Variants in CRYL1 observed in about 807,000 individuals in gnomAD.
The protein encoded by CRYL1 is lambda-crystallin homolog.
In CRYL1, 29 loss-of-function variants were observed where a neutral mutation model predicts 36.6. The observed-to-expected ratio is 0.79, with a 90% confidence interval of 0.59 to 1.08. CRYL1 has a LOEUF of 1.08. CRYL1 is among the 50% of genes least tolerant of loss of function. The pLI is 0.00. For synonymous variants in CRYL1, 152 were observed against 151.5 expected, an observed-to-expected ratio of 1.00 and a Z score of -0.02; for missense variants, 411 against 407.9, an observed-to-expected ratio of 1.01 and a Z score of -0.06.
intron 2 of CRYL1, among the ~76,000 whole-genome samples, chr13:20,496,750 T>C (rs1468242953): frequency 6.8e-6 from 1 of 146,958 alleles, no homozygotes; most frequent in Admixed American, 7.0e-5. Context: ...AAGGCTGAGG[T>C]AGGAGGATCA....
chr13:20,431,430 C>T (rs1039457156), intron 5 of CRYL1: 65 of 985,278 alleles, frequency 6.6e-5, no homozygotes, highest in African/African-American at 8.7e-5. Context: ...TAAGGGAGGC[C>T]GGACAGTTCC....
chr13:20,450,668 C>A (rs950581079), intron 3 of CRYL1, among the ~76,000 whole-genome samples: 2 of 152,126 alleles, frequency 1.3e-5, no homozygotes, highest in Non-Finnish European at 2.9e-5. Context: ...CCTCAAGGAT[C>A]TAGAACTAGA....
chr13:20,445,411 T>C (rs2032431887), intron 3 of CRYL1, among the ~76,000 whole-genome samples: 1 of 152,180 alleles, frequency 6.6e-6, no homozygotes, highest in Non-Finnish European at 1.5e-5. Context: ...GCATCCCTTA[T>C]ACCAGGAATA....
intron 1 of CRYL1, chr13:20,513,420 C>G (rs2033948734): frequency 6.6e-6 from 1 of 152,310 alleles, no homozygotes; most frequent in Non-Finnish European, 1.5e-5. Context: ...GATTAGGTAT[C>G]AGGCACCATC....
At chr13:20,468,221 C>T (rs1482310451) in intron 3 of CRYL1, among the ~76,000 whole-genome samples, 3 of 152,242 alleles carry the variant, frequency 2.0e-5, no homozygotes, top group South Asian at 2.1e-4. Flanking sequence ...TTTTTTAAGG[C>T]GTTAAACATG....
At position 20,488,567 on chromosome 13, in the gene CRYL1, TC is replaced by T. The variant is rs550096792; in HGVS notation, c.276+802del. Among the ~76,000 whole-genome samples, 39 of 152,376 alleles carry T rather than the reference TC, an allele frequency of 2.6e-4. No individual in the cohort carries two copies. In the East Asian group the frequency reaches 6.7e-3, roughly 26 times the overall value. On this transcript the variant is annotated intron_variant, in intron 3 of 7. Transcript: ENST00000298248. ...TGACCAGAGAACACACACAGCCTTT[TC>T]GGTTTGCTTCCAAATTCTCAGCTAG...
intron 3 of CRYL1, among the ~76,000 whole-genome samples, chr13:20,483,441 C>A (rs17052264): frequency 0.019 from 2,930 of 151,926 alleles, 105 homozygotes; most frequent in African/African-American, 0.067. Context: ...GCCATCTGGA[C>A]TGACCATATC....
chr13:20,426,721 T>C, intron 5 of CRYL1: 1 of 985,370 alleles, frequency 1.0e-6, no homozygotes, highest in Non-Finnish European at 1.2e-6. Context: ...TACTACATGA[T>C]CTTTGAGATA....
chr13:20,506,793 A>G (rs951184401), intron 2 of CRYL1, among the ~76,000 whole-genome samples: 2 of 152,224 alleles, frequency 1.3e-5, no homozygotes, highest in South Asian at 2.1e-4. Context: ...CGAGCAAACT[A>G]CAGCCCACAG....
intron 3 of CRYL1, among the ~76,000 whole-genome samples, chr13:20,482,756 T>TGC (rs1555231054): frequency 3.3e-5 from 5 of 151,734 alleles, no homozygotes; most frequent in East Asian, 2.0e-4. Context: ...TGTGTGTGTG[T>TGC]GCGCGCGTGT....
intron 2 of CRYL1, among the ~76,000 whole-genome samples, chr13:20,509,971 G>A (rs990886853): frequency 4.6e-5 from 7 of 152,106 alleles, no homozygotes; most frequent in Non-Finnish European, 8.8e-5. Flanking sequence ...ACCATTATTT[G>A]CCTATTAGAA....
chr13:20,518,286 G>A (rs1297229413), intron 1 of CRYL1, among the ~76,000 whole-genome samples: 1 of 152,178 alleles, frequency 6.6e-6, no homozygotes, highest in Non-Finnish European at 1.5e-5. Context: ...AAGCAGGGGA[G>A]TAGGGACTGA....
chr13:20,503,185 A>G (rs2033733759), intron 2 of CRYL1, among the ~76,000 whole-genome samples: 1 of 152,252 alleles, frequency 6.6e-6, no homozygotes, highest in South Asian at 2.1e-4. Context: ...AATAAGGCAA[A>G]TGAAGCAATT....
At position 20,415,021 on chromosome 13, in the gene CRYL1, A is replaced by G. The variant is rs1343789379; in HGVS notation, c.634-1634T>C. Among the ~76,000 whole-genome samples the G allele has an allele frequency of 1.3e-5, 2 of 152,056 alleles. No homozygotes were observed. Among genetic ancestry groups the G allele is most frequent in the Non-Finnish European group, 2.9e-5 (2 of 67,962 alleles). Reference sequence around the variant, plus strand: ...GCAGTAGCGCTGGCCCGCCTGCGAGAGCCCGACCGTGGACGATGCGTCGCG... The same window carrying G: ...GCAGTAGCGCTGGCCCGCCTGCGAGGGCCCGACCGTGGACGATGCGTCGCG... On this transcript the variant is annotated intron_variant, in intron 5 of 7. Coordinates refer to ENST00000298248, the MANE Select transcript of CRYL1 (RefSeq NM_015974.3). This position sits in a 1 kb window ranked among gnomAD's most constrained non-coding sequence, Gnocchi z 4.1.
At chr13:20,509,946 A>G (rs2033884305) in intron 2 of CRYL1, among the ~76,000 whole-genome samples, 1 of 152,132 alleles carries the variant, frequency 6.6e-6, no homozygotes, top group Non-Finnish European at 1.5e-5. Flanking sequence ...ACAAGAAACA[A>G]AAAAACAAGG....
chr13:20,515,837 T>C (rs2033989222), intron 1 of CRYL1: 1 of 151,952 alleles, frequency 6.6e-6, no homozygotes, highest in African/African-American at 2.4e-5. Context: ...GATGAAAAGA[T>C]TGATTGTACA....
At chr13:20,482,591 C>G (rs967156658) in intron 3 of CRYL1, among the ~76,000 whole-genome samples, 1 of 152,244 alleles carries the variant, frequency 6.6e-6, no homozygotes, top group Admixed American at 6.5e-5. Context: ...TATTAGGAAA[C>G]GTCCTGACCC....
intron 2 of CRYL1, among the ~76,000 whole-genome samples, chr13:20,503,532 C>T (rs541906071): frequency 5.3e-5 from 8 of 152,318 alleles, no homozygotes; most frequent in African/African-American, 1.2e-4. Context: ...AGGAAGCGAA[C>T]GAATCTCAAT....
At chr13:20,463,005 G>A (rs1178853460) in intron 3 of CRYL1, among the ~76,000 whole-genome samples, 1 of 152,016 alleles carries the variant, frequency 6.6e-6, no homozygotes, top group African/African-American at 2.4e-5. Context: ...TCCACATTTT[G>A]TAAATGGAAA....
Sources: allele counts gnomAD v4.1 joint callset (sites outside exome capture counted in the v4.1 genomes callset), GRCh38; gene constraint gnomAD v4.1.1; non-coding constraint Gnocchi (gnomAD v3.1); transcripts MANE v1.5; gene names NCBI Gene and HGNC (gene_info 2026-07-23, HGNC 2026-07-21).